The following REV3L variants were observed in gnomAD, a reference collection of about 807,000 sequenced individuals.
The protein encoded by REV3L is DNA polymerase zeta catalytic subunit.
In REV3L, 69 loss-of-function variants were observed where a neutral mutation model predicts 299.4. The ratio of observed to expected loss-of-function variants is 0.23; its 90% CI spans 0.19 to 0.28. The LOEUF is 0.28. Among genes scored for constraint, REV3L ranks in the 10% least tolerant of loss-of-function variants. The pLI is 1.00. For synonymous variants in REV3L, 1,238 were observed against 1,271.4 expected, an observed-to-expected ratio of 0.97 and a Z score of 0.56; for missense variants, 3,128 against 3,693.8, an observed-to-expected ratio of 0.85 and a Z score of 3.97.
At chr6:111,337,409 G>A (rs569543000) in intron 21 of REV3L, among the ~76,000 whole-genome samples, 6 of 151,888 alleles carry the variant, frequency 4.0e-5, no homozygotes, top group Non-Finnish European at 7.4e-5. Context: ...TGTAGCTATC[G>A]AGCGTGCTAT....
At chr6:111,314,579 C>T (rs1278378157) in intron 27 of REV3L, among the ~76,000 whole-genome samples, 1 of 152,176 alleles carries the variant, frequency 6.6e-6, no homozygotes, top group Non-Finnish European at 1.5e-5. Flanking sequence ...CCCTTAGCTG[C>T]TGGTTGGGTT....
intron 1 of REV3L, among the ~76,000 whole-genome samples, chr6:111,441,003 G>A (rs772099696): frequency 6.6e-5 from 10 of 151,998 alleles, no homozygotes; most frequent in Admixed American, 2.0e-4. Flanking sequence ...GGGTTTTTTC[G>A]CCTCTGGTTT....
chr6:111,448,090 A>G (rs1052537603), intron 1 of REV3L, among the ~76,000 whole-genome samples: 3 of 152,170 alleles, frequency 2.0e-5, no homozygotes, highest in Admixed American at 1.3e-4. Context: ...GGGGCTGTTC[A>G]TATAAATAAG....
intron 3 of REV3L, among the ~76,000 whole-genome samples, chr6:111,407,354 C>G (rs1420773418): frequency 6.6e-6 from 1 of 152,088 alleles, no homozygotes; most frequent in Non-Finnish European, 1.5e-5. Flanking sequence ...AGAAAATATA[C>G]AGAGTAAAGA....
intron 20 of REV3L, among the ~76,000 whole-genome samples, chr6:111,348,702 T>C (rs1057430988): frequency 6.6e-6 from 1 of 152,222 alleles, no homozygotes; most frequent in African/African-American, 2.4e-5. Flanking sequence ...CAGGCTTGAG[T>C]GCAGTGGCAC....
rs1781744200 is a variant in REV3L, at chr6:111,389,973, A to T, written c.757+113T>A. 7.9e-6 allele frequency: 5 copies of T among 634,406 alleles called. No homozygotes were observed. In the East Asian group the frequency reaches 1.6e-4, roughly 20 times the overall value. 39.3% of individuals were successfully genotyped at this position (634,406 alleles called of 1,614,324 possible). ...AGGATGGTCTCGATCTGACCTCATG[A>T]TCCACCCACCTTGGCCTCCCAAAGT... On this transcript the variant is annotated intron_variant, in intron 6 of 31. Coordinates refer to ENST00000368802, the MANE Select transcript of REV3L (RefSeq NM_001372078.1).
chr6:111,380,979 T>C (rs189175575), intron 10 of REV3L, among the ~76,000 whole-genome samples: 4 of 152,350 alleles, frequency 2.6e-5, no homozygotes, highest in East Asian at 1.9e-4. Flanking sequence ...CCGGTGAAAT[T>C]TGTGATACTC....
chr6:111,357,898 C>T (rs1778262684), intron 17 of REV3L, among the ~76,000 whole-genome samples: 1 of 151,984 alleles, frequency 6.6e-6, no homozygotes, highest in Non-Finnish European at 1.5e-5. Flanking sequence ...AGGACCCCTC[C>T]CCCACCCTAT....
In REV3L at chr6:111,373,072, A is replaced by G. The variant is rs1434685676; in HGVS notation, c.5283T>C (p.Ser1761=). The change falls in exon 13 of 32, where the codon TCT becomes TCC. Residue 1761 remains serine (S), a synonymous_variant. Transcript: ENST00000368802. Reference sequence around the variant, plus strand: ...AGTCTTCTGCCTGCTGAACACAGAAAGAATCCATTATTGAGTTAGACCGAG... The same window carrying G: ...AGTCTTCTGCCTGCTGAACACAGAAGGAATCCATTATTGAGTTAGACCGAG... ...LTTRSNSIMD[S]FCVQQAEDCL... 2.5e-6 allele frequency: 4 copies of G among 1,614,068 alleles called. No homozygotes were observed. The highest frequency in any genetic ancestry group is 3.4e-6 in the Non-Finnish European group (4 of 1,180,024).
intron 10 of REV3L, 41 bp downstream of exon 10, chr6:111,381,284 G>T: frequency 6.3e-7 from 1 of 1,596,536 alleles, no homozygotes; most frequent in African/African-American, 1.3e-5. Context: ...CATTTTCTCT[G>T]AATTACAATA....
intron 3 of REV3L, among the ~76,000 whole-genome samples, chr6:111,409,970 A>G (rs1784075195): frequency 6.6e-6 from 1 of 152,210 alleles, no homozygotes; most frequent in South Asian, 2.1e-4. Flanking sequence ...AACCATGCAC[A>G]CTTTGCTCAC....
chr6:111,300,697 A>C (rs1771395146), intron 31 of REV3L, among the ~76,000 whole-genome samples: 1 of 152,218 alleles, frequency 6.6e-6, no homozygotes, highest in Non-Finnish European at 1.5e-5. Context: ...TGAATTGTGA[A>C]GATTTCATGA....
intron 1 of REV3L, among the ~76,000 whole-genome samples, chr6:111,447,130 C>T (rs1189474942): frequency 1.3e-5 from 2 of 152,062 alleles, no homozygotes; most frequent in Non-Finnish European, 2.9e-5. Flanking sequence ...TTTTAGCATA[C>T]TGAAGGAAAA....
chr6:111,388,162 T>A, intron 7 of REV3L, 77 bp from the exon 8 acceptor site: 1 of 969,720 alleles, frequency 1.0e-6, no homozygotes, highest in Non-Finnish European at 1.6e-6. Context: ...AAAGTAGCTT[T>A]AAAAATGGTG....
chr6:111,376,238 G>C lies in REV3L; in HGVS notation c.2117C>G (p.Ser706Cys), dbSNP rs1562216270. Residue 706 changes from serine (S) to cysteine (C), a missense_variant, in exon 13 of 32, where the codon TCT (serine) becomes TGT (cysteine). Physicochemically the swap from Ser to Cys is moderately radical, Grantham distance 112. Transcript: ENST00000368802. Reference sequence around the variant, plus strand: ...ATGATTTAAGTCAGAAAAGTTGAAAGAATTTTTGCCCAATGTATTCTCGTT... The same window carrying C: ...ATGATTTAAGTCAGAAAAGTTGAAACAATTTTTGCCCAATGTATTCTCGTT... ...HPNENTLGKN[S>C]FNFSDLNHSK... 6.2e-7 allele frequency: 1 copy of C among 1,613,704 alleles called. No individual in the cohort carries two copies. The highest frequency in any genetic ancestry group is 8.5e-7 in the Non-Finnish European group (1 of 1,179,872).
At chr6:111,425,055 C>T (rs1231161335) in intron 1 of REV3L, among the ~76,000 whole-genome samples, 1 of 152,172 alleles carries the variant, frequency 6.6e-6, no homozygotes, top group Non-Finnish European at 1.5e-5. Context: ...GATCTTGAGG[C>T]TCTGCCCCAA....
intron 1 of REV3L, among the ~76,000 whole-genome samples, chr6:111,451,037 C>T (rs1174224512): frequency 6.6e-6 from 1 of 152,158 alleles, no homozygotes; most frequent in Non-Finnish European, 1.5e-5. Context: ...CCATAAAAAA[C>T]ATTACAGGTT....
chr6:111,468,582 T>C (rs1381230296), intron 1 of REV3L, among the ~76,000 whole-genome samples: 1 of 152,174 alleles, frequency 6.6e-6, no homozygotes, highest in Non-Finnish European at 1.5e-5. Flanking sequence ...CTGAGATCCA[T>C]TTTATGTCTA....
At chr6:111,397,593 A>C (rs1159596006) in intron 4 of REV3L, among the ~76,000 whole-genome samples, 3 of 152,162 alleles carry the variant, frequency 2.0e-5, no homozygotes, top group African/African-American at 7.2e-5. Flanking sequence ...CAACTACTGG[A>C]TAAAATGTTC....
Sources: gnomAD v4.1 joint callset for allele counts (sites outside exome capture counted in the v4.1 genomes callset) on GRCh38, gnomAD v4.1.1 for gene constraint, MANE v1.5 for transcripts, NCBI Gene and HGNC (gene_info 2026-07-23, HGNC 2026-07-21) for gene names.